The following NUP188 variants were observed in gnomAD, a reference collection of about 807,000 sequenced individuals.
NUP188 encodes the protein nucleoporin NUP188.
In NUP188, 97 loss-of-function variants were observed where a neutral mutation model predicts 223.0. That is an observed-to-expected ratio of 0.43 (90% CI 0.37 to 0.51). NUP188 has a LOEUF of 0.51. Ranked by LOEUF, NUP188 falls within the 20% of genes least tolerant of loss-of-function variation. NUP188 has a pLI of 0.00. For synonymous variants in NUP188, 869 were observed against 828.0 expected, an observed-to-expected ratio of 1.05 and a Z score of -0.85; for missense variants, 1,947 against 2,175.6, an observed-to-expected ratio of 0.89 and a Z score of 2.09.
intron 28 of NUP188, 86 bp from the exon 29 acceptor site, chr9:128,994,770 G>A: frequency 9.0e-7 from 1 of 1,106,852 alleles, no homozygotes; most frequent in Admixed American, 1.7e-5. Context: ...TGCAAGTGTT[G>A]GGCCCCTGCT....
intron 3 of NUP188, 163 bp downstream of exon 3, chr9:128,953,009 G>T (rs1222949942): frequency 1.8e-6 from 1 of 567,158 alleles, no homozygotes; most frequent in Non-Finnish European, 3.1e-6. Context: ...TTGTTTTTTT[G>T]TTGACCGAAA....
chr9:129,005,995 C>T, intron 41 of NUP188, 55 bp from the exon 42 acceptor site: 6 of 1,587,544 alleles, frequency 3.8e-6, no homozygotes, highest in Non-Finnish European at 5.2e-6. Context: ...AGGAAGCTCT[C>T]AGTAAGTGGG....
chr9:128,999,914 G>A, intron 34 of NUP188, 109 bp downstream of exon 34: 1 of 1,037,636 alleles, frequency 9.6e-7, no homozygotes, highest in Non-Finnish European at 1.4e-6. Flanking sequence ...CACTTCTGGA[G>A]TTCACGGCCT....
intron 5 of NUP188, 56 bp from the exon 6 acceptor site, chr9:128,957,954 A>G (rs748697191): frequency 1.5e-5 from 20 of 1,304,786 alleles, no homozygotes; most frequent in South Asian, 3.9e-5. Flanking sequence ...ATCTTTTTTT[A>G]TTACTTGAGT....
At chr9:128,958,986 G>A (rs1422660589) in intron 7 of NUP188, 29 bp from the exon 8 acceptor site, 2 of 1,464,566 alleles carry the variant, frequency 1.4e-6, no homozygotes, top group Non-Finnish European at 1.9e-6. Flanking sequence ...TTTATTCTAG[G>A]TATAATTTAC....
intron 27 of NUP188, 114 bp from the exon 28 acceptor site, chr9:128,994,257 CAT>C (rs1446831711): frequency 1.4e-6 from 1 of 726,782 alleles, no homozygotes; most frequent in African/African-American, 1.8e-5. Context: ...TTATCAGACA[CAT>C]ATTAGGATTG....
At chr9:128,959,201 G>C (rs1235202126) in intron 8 of NUP188, 67 bp downstream of exon 8, 1 of 1,325,906 alleles carries the variant, frequency 7.5e-7, no homozygotes. Flanking sequence ...TGTCACCCAG[G>C]CTGGAGTGCA....
At chr9:128,957,944 A>G (rs1841894510) in intron 5 of NUP188, 66 bp from the exon 6 acceptor site, 12 of 1,174,836 alleles carry the variant, frequency 1.0e-5, no homozygotes, top group Non-Finnish European at 1.2e-5. Flanking sequence ...GAAGGTATCT[A>G]TCTTTTTTTA....
intron 38 of NUP188, 162 bp downstream of exon 38, chr9:129,003,616 AATGTT>A (rs1174444847): frequency 1.2e-6 from 1 of 848,062 alleles, no homozygotes. Flanking sequence ...ACTCTGGCTA[AATGTT>A]TCCTTCCATA....
intron 27 of NUP188, 149 bp downstream of exon 27, chr9:128,993,843 CT>C: frequency 1.5e-6 from 1 of 680,184 alleles, no homozygotes. Flanking sequence ...CACTAATTCT[CT>C]TTCTAATGCT....
At chr9:128,975,364 C>T (rs1842161749) in intron 12 of NUP188, among the ~76,000 whole-genome samples, 1 of 151,044 alleles carries the variant, frequency 6.6e-6, no homozygotes, top group Non-Finnish European at 1.5e-5. Flanking sequence ...GCTGGGACAA[C>T]AGGCGCCTGC....
chr9:128,999,751 C>T lies in NUP188; in HGVS notation c.3789C>T (p.Asp1263=), dbSNP rs138744242. The change falls in exon 34 of 44, where the codon GAC becomes GAT. Residue 1263 remains aspartate, a synonymous_variant. Transcript: ENST00000372577. ...LALGSATEDK[D]SMETDDCSRS... ...TAGGCAGTGCCACAGAGGACAAGGACAGCATGGAGACTGACGACTGTTCTC... is the reference window on the plus strand; with the variant it reads ...TAGGCAGTGCCACAGAGGACAAGGATAGCATGGAGACTGACGACTGTTCTC... The T allele has an allele frequency of 6.8e-6, 11 of 1,614,232 alleles. No individual in the cohort carries two copies. In the South Asian group the frequency reaches 1.2e-4, roughly 18 times the overall value.
At chr9:128,958,989 T>A in intron 7 of NUP188, 26 bp from the exon 8 acceptor site, 5 of 1,481,022 alleles carry the variant, frequency 3.4e-6, no homozygotes, top group Non-Finnish European at 4.6e-6. Flanking sequence ...ATTCTAGGTA[T>A]AATTTACTCT....
At chr9:128,958,083 T>C in intron 6 of NUP188, 29 bp downstream of exon 6, 2 of 1,585,978 alleles carry the variant, frequency 1.3e-6, no homozygotes, top group Non-Finnish European at 1.7e-6. Flanking sequence ...TTCTATTCTT[T>C]GATGTAAAAT....
Position 129,005,342 on chromosome 9 carries a change from C to G in NUP188, c.4549C>G (p.Arg1517Gly), listed in dbSNP as rs1319531334. ...TGGCCTCCCCTCAGCTGTTGCCCAGCGAGTCCAGAGGCCACCGTCTGCTGC... is the reference window on the plus strand; with the variant it reads ...TGGCCTCCCCTCAGCTGTTGCCCAGGGAGTCCAGAGGCCACCGTCTGCTGC... ...GDGLPSAVAQ[R>G]VQRPPSAASA... is the part of the protein sequence containing the mutation. Residue 1517 changes from arginine to glycine, a missense_variant, in exon 40 of 44, where the codon CGA (arginine) becomes GGA (glycine). Arg to Gly is a moderately radical substitution (Grantham distance 125). Around this residue, in one of 3 missense-constraint regions of NUP188, gnomAD observed 905 missense variants for 990.6 expected, o/e 0.91. Coordinates refer to ENST00000372577, the MANE Select transcript of NUP188 (RefSeq NM_015354.3). The G allele has an allele frequency of 1.9e-6, 3 of 1,613,942 alleles. No individual in the cohort carries two copies. Among genetic ancestry groups the G allele is most frequent in the Non-Finnish European group, 2.5e-6 (3 of 1,180,034 alleles).
chr9:128,957,985 T>G (rs1268020653), intron 5 of NUP188, 25 bp from the exon 6 acceptor site: 1 of 1,601,568 alleles, frequency 6.2e-7, no homozygotes, highest in Non-Finnish European at 8.5e-7. Flanking sequence ...AGATGGCCTC[T>G]TAACTGCTCT....
chr9:128,950,802 G>C (rs1841772384), intron 2 of NUP188, among the ~76,000 whole-genome samples: 1 of 152,016 alleles, frequency 6.6e-6, no homozygotes, highest in South Asian at 2.1e-4. Context: ...CTCTAGCCTG[G>C]GAGACACATC....
Position 128,982,561 on chromosome 9 carries a change from A to G in NUP188, c.1529A>G (p.Asn510Ser). Residue 510 changes from asparagine to serine, a missense_variant, in exon 16 of 44, where the codon AAC becomes AGC. This residue lies in a region of NUP188 where 817 missense variants were observed against 865.8 expected (regional missense o/e 0.94). Transcript: ENST00000372577. ...CTTTCTCTCTCAGGGGGTCAAACCA[A>G]CCTTCGCATACCTCAAGGCACTGTG... is the stretch of plus-strand genomic sequence containing the variant. The part of the protein sequence containing the change: ...KLLYPLGGQT[N>S]LRIPQGTVGQ... The G allele has an allele frequency of 6.2e-7, 1 of 1,610,842 alleles. No homozygotes were observed. The highest frequency in any genetic ancestry group is 8.5e-7 in the Non-Finnish European group (1 of 1,179,060).
At chr9:128,953,769 T>C (rs1841828589) in intron 3 of NUP188, among the ~76,000 whole-genome samples, 1 of 152,010 alleles carries the variant, frequency 6.6e-6, no homozygotes, top group Admixed American at 6.6e-5. Flanking sequence ...CAACTTGTCA[T>C]GGTCACACAG....
Sources: allele counts gnomAD v4.1 joint callset (sites outside exome capture counted in the v4.1 genomes callset), GRCh38; gene constraint gnomAD v4.1.1; regional missense constraint gnomAD v4.1.1; transcripts MANE v1.5; gene names NCBI Gene and HGNC (gene_info 2026-07-23, HGNC 2026-07-21).